The following NALCN variants were observed in gnomAD, a reference collection of about 807,000 sequenced individuals.
NALCN encodes sodium leak channel, non-selective, also known as sodium leak channel NALCN.
A neutral mutation model predicts 225.3 loss-of-function variants in NALCN; 111 were observed. The observed-to-expected ratio is 0.49, with a 90% CI of 0.42 to 0.58. NALCN has a LOEUF of 0.58. NALCN is among the 20% of genes least tolerant of loss of function. The pLI, the probability that NALCN is intolerant of heterozygous loss-of-function variation, is 0.00. For missense variants in NALCN, 1,378 were observed against 2,202.4 expected, an observed-to-expected ratio of 0.63 and a Z score of 7.49; for synonymous variants, 764 against 769.0, an observed-to-expected ratio of 0.99 and a Z score of 0.11.
At chr13:101,182,133 CAAAAAAAAAAAA>C (rs34387567) in intron 14 of NALCN, among the ~76,000 whole-genome samples, 1 of 73,448 alleles carries the variant, frequency 1.4e-5, no homozygotes, top group African/African-American at 5.9e-5. Context: ...GACTCCATCT[CAAAAAAAAAAAA>C]AAAAAAAAAA....
chr13:101,238,049 G>C (rs2041626631), intron 11 of NALCN, 127 bp from the exon 12 acceptor site: 1 of 695,798 alleles, frequency 1.4e-6, no homozygotes, highest in East Asian at 3.1e-5. Flanking sequence ...ATAAGGTCAA[G>C]AATGACATTT....
At chr13:101,247,397 G>A (rs1171627098) in intron 11 of NALCN, among the ~76,000 whole-genome samples, 3 of 152,190 alleles carry the variant, frequency 2.0e-5, no homozygotes, top group African/African-American at 7.2e-5. Context: ...CTGGATGGTA[G>A]GGTCCAGGGT....
At chr13:101,205,006 C>A (rs761814200) in intron 13 of NALCN, among the ~76,000 whole-genome samples, 3 of 152,088 alleles carry the variant, frequency 2.0e-5, no homozygotes, top group Non-Finnish European at 4.4e-5. Flanking sequence ...ATCAAGAACT[C>A]CAGCTTACAG....
At chr13:101,258,775 G>A (rs2042322861) in intron 10 of NALCN, among the ~76,000 whole-genome samples, 1 of 152,198 alleles carries the variant, frequency 6.6e-6, no homozygotes, top group Admixed American at 6.5e-5. Context: ...ACAGTGACTA[G>A]GAAGATGGTT....
At chr13:101,372,262 T>C (rs902864210) in intron 6 of NALCN, among the ~76,000 whole-genome samples, 3 of 152,186 alleles carry the variant, frequency 2.0e-5, no homozygotes, top group African/African-American at 4.8e-5. Context: ...AATTGAATAG[T>C]ACTCTCTCAG....
chr13:101,163,086 A>T (rs1307362740), intron 15 of NALCN, among the ~76,000 whole-genome samples: 1 of 152,078 alleles, frequency 6.6e-6, no homozygotes, highest in Non-Finnish European at 1.5e-5. Flanking sequence ...TATTTTTAGT[A>T]GAGATAGGGT....
rs1157542089 is a variant in NALCN, at chr13:101,124,598, T to C, written c.2192+10A>G. ...GTGTTTAAATATGTGTCAACATTAA[T>C]TGGTGTTACCTTAAGATTTTAGTGA... is the stretch of plus-strand genomic sequence containing the variant. On this transcript the variant is annotated intron_variant, in intron 18 of 43. Transcript: ENST00000251127. The C allele has an allele frequency of 2.5e-6, 4 of 1,608,882 alleles. No homozygotes were observed. In the East Asian group the frequency reaches 6.7e-5, roughly 27 times the overall value.
At chr13:101,363,948 A>C (rs921383269) in intron 6 of NALCN, among the ~76,000 whole-genome samples, 4 of 152,200 alleles carry the variant, frequency 2.6e-5, no homozygotes, top group African/African-American at 4.8e-5. Context: ...TCTCAAAAGA[A>C]GACATACAAA....
intron 1 of NALCN, among the ~76,000 whole-genome samples, chr13:101,415,030 C>G (rs775422879): frequency 1.4e-5 from 2 of 147,594 alleles, no homozygotes; most frequent in Non-Finnish European, 2.9e-5. Flanking sequence ...GTAAATGTTT[C>G]TCGTTGCAGA....
At chr13:101,081,081 T>A (rs990991924) in intron 34 of NALCN, among the ~76,000 whole-genome samples, 1 of 152,296 alleles carries the variant, frequency 6.6e-6, no homozygotes, top group East Asian at 1.9e-4. Context: ...GAGAATCACA[T>A]TGTGAAATAC....
chr13:101,253,438 T>G (rs1008660860), intron 11 of NALCN, among the ~76,000 whole-genome samples: 1 of 152,176 alleles, frequency 6.6e-6, no homozygotes, highest in Non-Finnish European at 1.5e-5. Flanking sequence ...TAAAATAAAC[T>G]TTTCAAAATA....
chr13:101,412,956 C>A (rs1410128840), intron 1 of NALCN, among the ~76,000 whole-genome samples: 2 of 152,046 alleles, frequency 1.3e-5, no homozygotes, highest in Non-Finnish European at 2.9e-5. Context: ...TTTGGCTTTA[C>A]TCTAAGAGGT....
chr13:101,411,953 T>C (rs372225528), intron 1 of NALCN, among the ~76,000 whole-genome samples: 1 of 152,216 alleles, frequency 6.6e-6, no homozygotes, highest in Admixed American at 6.5e-5. Context: ...GACGTTATTT[T>C]ATGTTTGCTG....
rs547784694 is a variant in NALCN at position 101,313,394 on chromosome 13, G to A, written c.800-21028C>T. On this transcript the variant is annotated intron_variant, in intron 7 of 43. Transcript: ENST00000251127. ...AGAAACCGTCATCAGAGTGAATAGG[G>A]AACCTATAAAATGGGAGAAAATTTT... Among the ~76,000 whole-genome samples, 3 of 152,126 alleles carry A rather than the reference G, an allele frequency of 2.0e-5. No individual in the cohort carries two copies. The South Asian group carries it at 6.2e-4, about 32-fold the overall frequency.
chr13:101,237,740 C>A lies in NALCN; in HGVS notation c.1434+15G>T, dbSNP rs1196959299. ...AAATAAATTTCTAAAGACAAATAGG[C>A]ATTATTTTTATTACCTGAAAGTACG... On this transcript the variant is annotated intron_variant, in intron 12 of 43. Coordinates refer to ENST00000251127, the MANE Select transcript of NALCN (RefSeq NM_052867.4). The A allele has an allele frequency of 6.5e-7, 1 of 1,534,198 alleles. No homozygotes were observed. The highest frequency in any genetic ancestry group is 2.4e-5 in the East Asian group (1 of 41,410).
At chr13:101,192,702 G>C (rs566296861) in intron 13 of NALCN, among the ~76,000 whole-genome samples, 4 of 152,048 alleles carry the variant, frequency 2.6e-5, no homozygotes, top group African/African-American at 9.6e-5. Context: ...ATAAAAAATA[G>C]AGCATTCCAA....
rs1485400898 is a variant in NALCN, at chr13:101,104,351, T to C, written c.2833A>G (p.Thr945Ala). 1 of 1,613,528 alleles carries C rather than the reference T, an allele frequency of 6.2e-7. No individual in the cohort carries two copies. The highest frequency in any genetic ancestry group is 8.5e-7 in the Non-Finnish European group (1 of 1,179,764). The change falls in exon 25 of 44, where the codon ACT becomes GCT. Residue 945 changes from threonine to alanine, a missense_variant. Around this residue, in one of 19 missense-constraint regions of NALCN, gnomAD observed 292 missense variants for 409.5 expected, o/e 0.71. Coordinates refer to ENST00000251127, the MANE Select transcript of NALCN (RefSeq NM_052867.4). This position sits in a 1 kb window ranked among gnomAD's most constrained non-coding sequence, Gnocchi z 4.2. Reference sequence around the variant, plus strand: ...AAGTCCCTGATGACAGCAGTTGGAGTGAAAAATAAGCCATCTGCCATAATC... The same window carrying C: ...AAGTCCCTGATGACAGCAGTTGGAGCGAAAAATAAGCCATCTGCCATAATC... ...LKIMADGLFF[T>A]PTAVIRDFGG...
intron 7 of NALCN, among the ~76,000 whole-genome samples, chr13:101,312,667 G>A (rs1170203811): frequency 5.9e-5 from 9 of 151,956 alleles, no homozygotes; most frequent in Admixed American, 1.3e-4. Flanking sequence ...GTAGTTGAGC[G>A]GTTTTGAGTG....
intron 13 of NALCN, among the ~76,000 whole-genome samples, chr13:101,215,437 T>A (rs2040691894): frequency 6.6e-6 from 1 of 152,130 alleles, no homozygotes; most frequent in Non-Finnish European, 1.5e-5. Context: ...TACTTCACAG[T>A]TTTTGAAGGT....
Sources: gnomAD v4.1 joint callset for allele counts (sites outside exome capture counted in the v4.1 genomes callset) on GRCh38, gnomAD v4.1.1 for gene constraint, gnomAD v4.1.1 regional missense constraint, Gnocchi (gnomAD v3.1) non-coding constraint, MANE v1.5 for transcripts, NCBI Gene and HGNC (gene_info 2026-07-23, HGNC 2026-07-21) for gene names.